The following CPEB4 variants were observed in gnomAD, a reference collection of about 807,000 sequenced individuals.
CPEB4 encodes the protein cytoplasmic polyadenylation element binding protein 4.
In CPEB4, 12 loss-of-function variants were observed where a neutral mutation model predicts 72.5. The observed-to-expected ratio is 0.17, with a 90% CI of 0.11 to 0.27. The LOEUF (loss-of-function observed/expected upper bound fraction) is 0.27. Ranked by LOEUF, CPEB4 falls within the 10% of genes least tolerant of loss-of-function variation. The pLI, the probability that CPEB4 is intolerant of heterozygous loss-of-function variation, is 1.00. For synonymous variants in CPEB4, 302 were observed against 326.3 expected (o/e 0.93, Z 0.80); for missense variants, 614 against 908.5 (o/e 0.68, Z 4.17).
intron 2 of CPEB4, among the ~76,000 whole-genome samples, chr5:173,917,982 T>C (rs1327971565): frequency 6.6e-6 from 1 of 152,188 alleles, no homozygotes; most frequent in Non-Finnish European, 1.5e-5. Flanking sequence ...TAATTCAAAG[T>C]AGCGTAACAG....
intron 1 of CPEB4, among the ~76,000 whole-genome samples, chr5:173,907,017 C>T (rs960941254): frequency 6.6e-5 from 10 of 152,124 alleles, no homozygotes; most frequent in African/African-American, 2.4e-4. Context: ...ACCTGTAATC[C>T]CAGCACTTTG....
At chr5:173,916,406 A>G (rs1263119797) in intron 2 of CPEB4, among the ~76,000 whole-genome samples, 1 of 152,210 alleles carries the variant, frequency 6.6e-6, no homozygotes, top group Non-Finnish European at 1.5e-5. Flanking sequence ...CCAGTCTTTT[A>G]CATATCCCCA....
At chr5:173,901,291 T>C (rs548914442) in intron 1 of CPEB4, among the ~76,000 whole-genome samples, 188 of 152,360 alleles carry the variant, frequency 1.2e-3, no homozygotes, top group Non-Finnish European at 2.2e-3. Flanking sequence ...GGTAATACAC[T>C]GAAGACATTC....
chr5:173,911,122 TACTG>T (rs1438700133), intron 2 of CPEB4, among the ~76,000 whole-genome samples: 5 of 152,208 alleles, frequency 3.3e-5, no homozygotes, highest in Admixed American at 6.5e-5. Context: ...AGTCTCATGT[TACTG>T]ACAAGTTGTG....
intron 2 of CPEB4, among the ~76,000 whole-genome samples, chr5:173,921,010 C>T (rs1757053499): frequency 6.6e-6 from 1 of 152,148 alleles, no homozygotes; most frequent in Non-Finnish European, 1.5e-5. Flanking sequence ...GCCTCTTCAG[C>T]CATGGGAATT....
intron 1 of CPEB4, chr5:173,892,963 T>C (rs1755863321): frequency 6.6e-6 from 1 of 151,900 alleles, no homozygotes; most frequent in Non-Finnish European, 1.5e-5. Context: ...AAGTAAATTG[T>C]TAATTCTGCT....
In CPEB4 at chr5:173,956,126, C is replaced by A; in HGVS notation, c.2179C>A (p.Arg727Ser). ...TGACCGCCCTCGGCATATTTCATTC[C>A]GCTGGAACTAAAGGATAACTGCAGT... ...GGDRPRHISF[R>S]WN The change falls in exon 10 of 10, where the codon CGC becomes AGC. Residue 727 changes from arginine to serine, a missense_variant. Arg to Ser is a moderately radical substitution (Grantham distance 110, BLOSUM62 -1). Coordinates refer to ENST00000265085, the MANE Select transcript of CPEB4 (RefSeq NM_030627.4). The A allele has an allele frequency of 6.2e-7, 1 of 1,613,840 alleles. No homozygotes were observed.
Position 173,917,634 on chromosome 5 carries a change from G to A in CPEB4, c.1207+7030G>A, listed in dbSNP as rs538204039. Among the ~76,000 whole-genome samples, 145 of 152,338 alleles carry A rather than the reference G, an allele frequency of 9.5e-4. 1 individual carries two copies. The highest frequency in any genetic ancestry group is 1.7e-3 in the Non-Finnish European group (116 of 68,036). On this transcript the variant is annotated intron_variant, in intron 2 of 9. Transcript: ENST00000265085. ...CCAGCTACTTGGGAGGCTGAGGCAG[G>A]AGAACCGCTTGAACCTGGCAGGCGG... is the stretch of plus-strand genomic sequence containing the variant.
At chr5:173,938,774 A>G (rs940707691) in intron 3 of CPEB4, among the ~76,000 whole-genome samples, 1 of 152,216 alleles carries the variant, frequency 6.6e-6, no homozygotes, top group African/African-American at 2.4e-5. Flanking sequence ...TCATGTAGGA[A>G]AGTATGCTTT....
chr5:173,918,668 G>A (rs1245065458), intron 2 of CPEB4, among the ~76,000 whole-genome samples: 1 of 152,122 alleles, frequency 6.6e-6, no homozygotes, highest in African/African-American at 2.4e-5. Context: ...CATCTGCCCC[G>A]TTTACTTACA....
chr5:173,916,581 T>G (rs970704506), intron 2 of CPEB4, among the ~76,000 whole-genome samples: 1 of 152,228 alleles, frequency 6.6e-6, no homozygotes, highest in Admixed American at 6.5e-5. Flanking sequence ...GACCTTGCAT[T>G]TTAAAACACT....
chr5:173,917,094 T>TTTC (rs1756895422), intron 2 of CPEB4, among the ~76,000 whole-genome samples: 1 of 152,184 alleles, frequency 6.6e-6, no homozygotes, highest in South Asian at 2.1e-4. Flanking sequence ...CAGGCTGAAA[T>TTTC]AGCTCTGGAA....
chr5:173,924,620 G>A (rs1416922644), intron 2 of CPEB4, among the ~76,000 whole-genome samples: 1 of 152,148 alleles, frequency 6.6e-6, no homozygotes, highest in African/African-American at 2.4e-5. Context: ...TTGGCATTCT[G>A]CAAACATTAT....
At chr5:173,893,446 C>T (rs977859404) in intron 1 of CPEB4, among the ~76,000 whole-genome samples, 13 of 151,282 alleles carry the variant, frequency 8.6e-5, no homozygotes, top group Non-Finnish European at 1.6e-4. Flanking sequence ...GTGAGACCCC[C>T]GTCTCAAAAA....
chr5:173,929,772 CTTGGT>C (rs1285660151), intron 2 of CPEB4, among the ~76,000 whole-genome samples: 6 of 152,070 alleles, frequency 3.9e-5, no homozygotes, highest in African/African-American at 1.4e-4. Context: ...ATAGAACAGC[CTTGGT>C]TTCTATTGCA....
At chr5:173,949,179 T>A (rs1170928221) in intron 5 of CPEB4, among the ~76,000 whole-genome samples, 1 of 152,204 alleles carries the variant, frequency 6.6e-6, no homozygotes, top group Non-Finnish European at 1.5e-5. Context: ...AATTGATATA[T>A]AAGGGAGTGA....
intron 1 of CPEB4, among the ~76,000 whole-genome samples, chr5:173,901,666 A>G (rs1756237714): frequency 6.6e-6 from 1 of 152,218 alleles, no homozygotes; most frequent in Non-Finnish European, 1.5e-5. Flanking sequence ...TAGGGCAATT[A>G]GTTAACTTCT....
intron 2 of CPEB4, among the ~76,000 whole-genome samples, chr5:173,911,691 T>C (rs1471094677): frequency 4.0e-5 from 6 of 151,266 alleles, no homozygotes; most frequent in Non-Finnish European, 8.9e-5. Context: ...GTTTTTTTTT[T>C]TTTTTTTTTT....
chr5:173,913,444 C>T (rs1756753278), intron 2 of CPEB4, among the ~76,000 whole-genome samples: 1 of 152,162 alleles, frequency 6.6e-6, no homozygotes, highest in Non-Finnish European at 1.5e-5. Flanking sequence ...GTGATCCACC[C>T]ACCTTGGCCT....
Sources: allele counts gnomAD v4.1 joint callset (sites outside exome capture counted in the v4.1 genomes callset), GRCh38; gene constraint gnomAD v4.1.1; transcripts MANE v1.5; gene names NCBI Gene and HGNC (gene_info 2026-07-23, HGNC 2026-07-21).